The following EFCAB5 variants were observed in gnomAD, a reference collection of about 807,000 sequenced individuals.
EFCAB5 encodes EF-hand calcium binding domain 5.
In EFCAB5, 131 loss-of-function variants were observed where a neutral mutation model predicts 167.9. That is an observed-to-expected ratio of 0.78 (90% CI 0.68 to 0.90). The LOEUF (loss-of-function observed/expected upper bound fraction) is 0.90, where lower values mean the gene tolerates loss of function less well. Among genes scored for constraint, EFCAB5 ranks in the 40% least tolerant of loss-of-function variants. The pLI, the probability that EFCAB5 is intolerant of heterozygous loss-of-function variation, is 0.00. For synonymous variants in EFCAB5, 574 were observed against 602.8 expected (o/e 0.95, Z 0.70); for missense variants, 1,663 against 1,745.2 (o/e 0.95, Z 0.84).
chr17:29,998,386 C>T (rs868520344), intron 6 of EFCAB5, among the ~76,000 whole-genome samples: 7 of 152,184 alleles, frequency 4.6e-5, no homozygotes, highest in Admixed American at 1.3e-4. Context: ...TCCTATACTA[C>T]AGTATTTATT....
At chr17:29,989,001 A>G (rs2068351517) in intron 4 of EFCAB5, among the ~76,000 whole-genome samples, 1 of 152,174 alleles carries the variant, frequency 6.6e-6, no homozygotes, top group Admixed American at 6.6e-5. Flanking sequence ...TTAATTGCCG[A>G]GGGTTAGTGA....
chr17:29,970,409 C>G (rs1359534722), intron 4 of EFCAB5, among the ~76,000 whole-genome samples: 1 of 151,714 alleles, frequency 6.6e-6, no homozygotes, highest in Non-Finnish European at 1.5e-5. Flanking sequence ...TGTTTCCTGG[C>G]TATTTTTGTT....
rs76315697 is a variant in EFCAB5 at position 30,020,652 on chromosome 17, G to A, written c.1045-13578G>A. Among the ~76,000 whole-genome samples, 31 of 152,094 alleles carry A rather than the reference G, an allele frequency of 2.0e-4. No individual in the cohort carries two copies. In the East Asian group the frequency reaches 5.2e-3, roughly 26 times the overall value. ...TTACAGGTGTGAGCCACTGTGCCTG[G>A]CCCACATATGCACTATTCTTAAAAT... On this transcript the variant is annotated intron_variant, in intron 7 of 22. Transcript: ENST00000394835.
At chr17:29,966,811 G>A (rs1169478028) in intron 3 of EFCAB5, among the ~76,000 whole-genome samples, 1 of 152,008 alleles carries the variant, frequency 6.6e-6, no homozygotes, top group Non-Finnish European at 1.5e-5. Context: ...TTTCTGCACA[G>A]GAAATTTGTC....
Position 30,013,653 on chromosome 17 carries a change from C to T in EFCAB5, c.1044+13677C>T, listed in dbSNP as rs527807884. 5.3e-5 allele frequency among the ~76,000 whole-genome samples: 8 copies of T among 152,228 alleles called. No individual in the cohort carries two copies. In the East Asian group the frequency reaches 1.3e-3, roughly 26 times the overall value. On this transcript the variant is annotated intron_variant, in intron 7 of 22. Transcript: ENST00000394835. ...TCTGTGGGATCAGTGGTGATATCCCCTTTATCATTTTTTATTGCGTCTATT... is the reference window on the plus strand; with the variant it reads ...TCTGTGGGATCAGTGGTGATATCCCTTTTATCATTTTTTATTGCGTCTATT...
chr17:30,025,244 G>A lies in EFCAB5; in HGVS notation c.1045-8986G>A, dbSNP rs1188155400. Among the ~76,000 whole-genome samples the A allele has an allele frequency of 6.6e-5, 10 of 150,390 alleles. No homozygotes were observed. The East Asian group carries it at 1.6e-3, about 23-fold the overall frequency. On this transcript the variant is annotated intron_variant, in intron 7 of 22. Coordinates refer to ENST00000394835, the MANE Select transcript of EFCAB5 (RefSeq NM_198529.4). ...GAGTGAACAGGCAACCTACAAAATG[G>A]GAGAAAATTTTCGCAACCTACTCAT...
chr17:30,006,087 A>G (rs780828002), intron 7 of EFCAB5, among the ~76,000 whole-genome samples: 2 of 152,202 alleles, frequency 1.3e-5, no homozygotes, highest in Non-Finnish European at 2.9e-5. Flanking sequence ...CCTCCCTAAA[A>G]TGTATAAAAC....
At chr17:29,970,438 G>A (rs921243118) in intron 4 of EFCAB5, among the ~76,000 whole-genome samples, 11 of 151,432 alleles carry the variant, frequency 7.3e-5, no homozygotes, top group African/African-American at 2.7e-4. Context: ...TTTTTTATAT[G>A]AATTATGGGA....
intron 14 of EFCAB5, among the ~76,000 whole-genome samples, chr17:30,061,959 A>G (rs947070077): frequency 1.3e-5 from 2 of 152,182 alleles, no homozygotes; most frequent in African/African-American, 4.8e-5. Flanking sequence ...GCCTGTCTGC[A>G]TTGTTGAATT....
chr17:30,016,408 C>A (rs1421591389), intron 7 of EFCAB5, among the ~76,000 whole-genome samples: 1 of 152,036 alleles, frequency 6.6e-6, no homozygotes, highest in Admixed American at 6.6e-5. Context: ...CTTTGATCCA[C>A]TTTGAGTTAA....
intron 14 of EFCAB5, chr17:30,074,143 T>C (rs1011561214): frequency 1.3e-5 from 2 of 152,342 alleles, no homozygotes; most frequent in Admixed American, 1.3e-4. Flanking sequence ...TAAAAATTTT[T>C]TGGGGGAGAC....
chr17:29,980,290 T>A (rs2068147704), intron 4 of EFCAB5, among the ~76,000 whole-genome samples: 1 of 152,218 alleles, frequency 6.6e-6, no homozygotes, highest in South Asian at 2.1e-4. Context: ...AATACAAAAT[T>A]TGATTTTTGT....
chr17:29,978,417 A>G (rs1046641327), intron 4 of EFCAB5, among the ~76,000 whole-genome samples: 1 of 152,214 alleles, frequency 6.6e-6, no homozygotes, highest in African/African-American at 2.4e-5. Flanking sequence ...ATTTATGTAC[A>G]CTGACTAGTT....
In EFCAB5 at chr17:30,006,932, T is replaced by C. The variant is rs531401935; in HGVS notation, c.1044+6956T>C. On this transcript the variant is annotated intron_variant, in intron 7 of 22. Coordinates refer to ENST00000394835, the MANE Select transcript of EFCAB5 (RefSeq NM_198529.4). ...TCTGCCTCCCAAAGTGCTGGGATTATAGGTGTGAGCCACTGCGCCCAGCTG... is the reference window on the plus strand; with the variant it reads ...TCTGCCTCCCAAAGTGCTGGGATTACAGGTGTGAGCCACTGCGCCCAGCTG... Among the ~76,000 whole-genome samples the C allele has an allele frequency of 4.6e-5, 7 of 152,278 alleles. No homozygotes were observed. In the South Asian group the frequency reaches 1.5e-3, roughly 32 times the overall value.
intron 3 of EFCAB5, among the ~76,000 whole-genome samples, chr17:29,961,363 T>C (rs1025920513): frequency 3.9e-5 from 6 of 152,226 alleles, no homozygotes; most frequent in Non-Finnish European, 5.9e-5. Flanking sequence ...ATTAATTCCT[T>C]ATCAGTTATA....
intron 3 of EFCAB5, among the ~76,000 whole-genome samples, chr17:29,945,829 A>G (rs1392436547): frequency 1.3e-5 from 2 of 152,218 alleles, no homozygotes; most frequent in Non-Finnish European, 2.9e-5. Flanking sequence ...CCTTATACAA[A>G]AATCAACTCA....
chr17:29,947,412 G>A (rs1344289272), intron 3 of EFCAB5, among the ~76,000 whole-genome samples: 1 of 152,072 alleles, frequency 6.6e-6, no homozygotes, highest in East Asian at 1.9e-4. Flanking sequence ...TGGAGACTCA[G>A]AAGTGGGAGG....
chr17:29,976,657 G>C (rs1418832024), intron 4 of EFCAB5, among the ~76,000 whole-genome samples: 1 of 152,084 alleles, frequency 6.6e-6, no homozygotes, highest in Non-Finnish European at 1.5e-5. Context: ...CCTTAGAAAA[G>C]TCCATTCACT....
At chr17:29,965,852 C>T (rs2151570278) in intron 3 of EFCAB5, among the ~76,000 whole-genome samples, 1 of 152,208 alleles carries the variant, frequency 6.6e-6, no homozygotes, top group Non-Finnish European at 1.5e-5. Context: ...ATTAGTCTGA[C>T]ACATTTCTGT....
Sources: allele counts gnomAD v4.1 joint callset (sites outside exome capture counted in the v4.1 genomes callset), GRCh38; gene constraint gnomAD v4.1.1; transcripts MANE v1.5; gene names NCBI Gene and HGNC (gene_info 2026-07-23, HGNC 2026-07-21).